The following TNR variants were observed in gnomAD, a reference collection of about 807,000 sequenced individuals.
The protein encoded by TNR is tenascin-R.
Under a neutral mutation model 150.4 loss-of-function variants are expected in TNR, and 45 were observed. The ratio of observed to expected loss-of-function variants is 0.30; its 90% confidence interval spans 0.24 to 0.38. The LOEUF (loss-of-function observed/expected upper bound fraction) is 0.38. TNR is among the 10% of genes least tolerant of loss of function. The pLI is 1.00. For missense variants in TNR, 1,544 were observed against 1,759.1 expected (o/e 0.88, Z 2.19); for synonymous variants, 687 against 678.4 (o/e 1.01, Z -0.20).
intron 1 of TNR, among the ~76,000 whole-genome samples, chr1:175,611,685 A>G (rs1009400484): frequency 1.3e-5 from 2 of 152,032 alleles, no homozygotes; most frequent in East Asian, 3.9e-4. Context: ...ATGTTGACCC[A>G]CTGAGAAATT....
At chr1:175,731,010 A>T (rs1667623696) in intron 1 of TNR, among the ~76,000 whole-genome samples, 1 of 152,206 alleles carries the variant, frequency 6.6e-6, no homozygotes, top group South Asian at 2.1e-4. Context: ...CCTCTATAGC[A>T]TTCAGCACTA....
intron 1 of TNR, among the ~76,000 whole-genome samples, chr1:175,603,386 C>A (rs191520018): frequency 6.6e-6 from 1 of 152,204 alleles, no homozygotes; most frequent in Non-Finnish European, 1.5e-5. Flanking sequence ...TAAGAATTGA[C>A]AAAAACTTGA....
chr1:175,561,281 A>G (rs1661414853), intron 1 of TNR, among the ~76,000 whole-genome samples: 1 of 152,054 alleles, frequency 6.6e-6, no homozygotes, highest in Non-Finnish European at 1.5e-5. Context: ...TCAGGATGTC[A>G]CCTCATTTCT....
chr1:175,476,086 A>G (rs1167560204), intron 2 of TNR, among the ~76,000 whole-genome samples: 2 of 152,210 alleles, frequency 1.3e-5, no homozygotes, highest in Non-Finnish European at 2.9e-5. Context: ...CCACAAATTT[A>G]TCAACACACC....
chr1:175,399,002 G>C (rs1293964611), intron 4 of TNR, among the ~76,000 whole-genome samples: 1 of 152,204 alleles, frequency 6.6e-6, no homozygotes, highest in Non-Finnish European at 1.5e-5. Flanking sequence ...ATGTTCTACA[G>C]TTTTCATTCT....
At chr1:175,536,337 T>C (rs1271416109) in intron 1 of TNR, among the ~76,000 whole-genome samples, 1 of 152,296 alleles carries the variant, frequency 6.6e-6, no homozygotes, top group East Asian at 1.9e-4. Flanking sequence ...ACCCTGGCCT[T>C]GGGAGGAAGA....
intron 2 of TNR, among the ~76,000 whole-genome samples, chr1:175,452,164 T>C (rs1389786314): frequency 6.6e-6 from 1 of 152,226 alleles, no homozygotes; most frequent in African/African-American, 2.4e-5. Context: ...AGGACCCCTC[T>C]ATTCTGCTAC....
chr1:175,325,109 G>A (rs1412483704), intron 21 of TNR, among the ~76,000 whole-genome samples: 1 of 152,212 alleles, frequency 6.6e-6, no homozygotes, highest in Non-Finnish European at 1.5e-5. Flanking sequence ...GCTGTATCTT[G>A]GGGAAGAGCG....
chr1:175,706,600 AC>A (rs1237320323), intron 1 of TNR, among the ~76,000 whole-genome samples: 1 of 152,074 alleles, frequency 6.6e-6, no homozygotes, highest in African/African-American at 2.4e-5. Flanking sequence ...GCTTGAAAAA[AC>A]AGGATAGAAA....
intron 1 of TNR, among the ~76,000 whole-genome samples, chr1:175,532,991 T>A (rs986765109): frequency 1.3e-5 from 2 of 152,218 alleles, no homozygotes; most frequent in Non-Finnish European, 2.9e-5. Context: ...GGGAAAAAGC[T>A]GCAGAAGGGT....
Position 175,348,702 on chromosome 1 carries a change from T to A in TNR, c.3382+5689A>T, listed in dbSNP as rs534281202. Among the ~76,000 whole-genome samples, 11 of 152,268 alleles carry A rather than the reference T, an allele frequency of 7.2e-5. No individual in the cohort carries two copies. In the South Asian group the frequency reaches 2.1e-3, roughly 29 times the overall value. The stretch of plus-strand genomic sequence containing the variant: ...AGATGGATTATTTAATAAATGATGT[T>A]AGGAGAACTGGTTCACTATAGAAAG... On this transcript the variant is annotated intron_variant, in intron 18 of 22. Coordinates refer to ENST00000367674, the MANE Select transcript of TNR (RefSeq NM_003285.3).
At chr1:175,679,961 C>T (rs1330193882) in intron 1 of TNR, among the ~76,000 whole-genome samples, 1 of 152,122 alleles carries the variant, frequency 6.6e-6, no homozygotes, top group Non-Finnish European at 1.5e-5. Context: ...TGCTGAGGGC[C>T]TCGAGGGAAG....
chr1:175,382,794 G>A (rs859432), intron 8 of TNR, among the ~76,000 whole-genome samples: 100,421 of 151,660 alleles, frequency 0.66, 33,386 homozygotes, highest in East Asian at 0.82. Flanking sequence ...TAGCTACTTG[G>A]GAGGCTTGAG....
chr1:175,502,380 C>G (rs988698792), intron 2 of TNR, among the ~76,000 whole-genome samples: 7 of 152,188 alleles, frequency 4.6e-5, no homozygotes, highest in African/African-American at 1.7e-4. Context: ...GTGGCCCTCA[C>G]TGAGAATTGC....
intron 2 of TNR, among the ~76,000 whole-genome samples, chr1:175,414,611 G>T (rs1654353875): frequency 6.6e-6 from 1 of 152,212 alleles, no homozygotes; most frequent in African/African-American, 2.4e-5. Flanking sequence ...ATTTGTAAGA[G>T]GTGGATAGCA....
chr1:175,585,069 G>A (rs1312521431), intron 1 of TNR, among the ~76,000 whole-genome samples: 1 of 152,166 alleles, frequency 6.6e-6, no homozygotes, highest in African/African-American at 2.4e-5. Flanking sequence ...TGTTGATGAT[G>A]TGCAGGCACA....
chr1:175,687,490 C>T (rs1454111518), intron 1 of TNR, among the ~76,000 whole-genome samples: 1 of 152,132 alleles, frequency 6.6e-6, no homozygotes, highest in African/African-American at 2.4e-5. Context: ...AAGAACATAG[C>T]ATTCAAAACA....
chr1:175,540,807 C>T (rs966016669), intron 1 of TNR, among the ~76,000 whole-genome samples: 1 of 152,070 alleles, frequency 6.6e-6, no homozygotes, highest in African/African-American at 2.4e-5. Flanking sequence ...CCACTCTCAG[C>T]CCGCTTCTAA....
At chr1:175,487,885 T>C (rs1330435148) in intron 2 of TNR, among the ~76,000 whole-genome samples, 1 of 152,242 alleles carries the variant, frequency 6.6e-6, no homozygotes, top group Non-Finnish European at 1.5e-5. Flanking sequence ...AATTTAATTA[T>C]GTCTCTATGA....
Sources: allele counts gnomAD v4.1 joint callset (sites outside exome capture counted in the v4.1 genomes callset), GRCh38; gene constraint gnomAD v4.1.1; transcripts MANE v1.5; gene names NCBI Gene and HGNC (gene_info 2026-07-23, HGNC 2026-07-21).